The following KCNB2 variants were observed in gnomAD, a reference collection of about 807,000 sequenced individuals.
KCNB2 encodes the protein delayed rectifier potassium channel protein.
A neutral mutation model predicts 61.5 loss-of-function variants in KCNB2; 15 were observed. The ratio of observed to expected loss-of-function variants is 0.24; its 90% CI spans 0.16 to 0.38. The LOEUF is 0.38. KCNB2 is among the 10% of genes least tolerant of loss of function. KCNB2 has a pLI of 1.00. For synonymous variants in KCNB2, 457 were observed against 446.0 expected (o/e 1.02, Z -0.31); for missense variants, 828 against 1,125.2 (o/e 0.74, Z 3.78).
chr8:72,602,617 G>T (rs1276342559), intron 2 of KCNB2, among the ~76,000 whole-genome samples: 3 of 152,056 alleles, frequency 2.0e-5, no homozygotes, highest in Non-Finnish European at 4.4e-5. Context: ...AAATGTAGTG[G>T]CTTCAGCAAT....
intron 2 of KCNB2, among the ~76,000 whole-genome samples, chr8:72,611,870 C>A (rs1805547730): frequency 6.6e-6 from 1 of 151,964 alleles, no homozygotes; most frequent in Admixed American, 6.6e-5. Flanking sequence ...TCCTCACTTT[C>A]TTCGTTTTCA....
intron 2 of KCNB2, among the ~76,000 whole-genome samples, chr8:72,631,757 C>G (rs555113815): frequency 1.6e-4 from 24 of 152,230 alleles, no homozygotes; most frequent in African/African-American, 5.8e-4. Flanking sequence ...ATATTTCATT[C>G]CTTTTGAAAA....
intron 2 of KCNB2, among the ~76,000 whole-genome samples, chr8:72,599,783 A>G (rs1807262129): frequency 6.6e-6 from 1 of 152,218 alleles, no homozygotes; most frequent in Non-Finnish European, 1.5e-5. Flanking sequence ...AAAAGTGGGC[A>G]AAGGATATGA....
chr8:72,561,763 A>ACACG lies in KCNB2; in HGVS notation c.-93-5879_-93-5878insCACG, dbSNP rs1491255124. Among the ~76,000 whole-genome samples the ACACG allele has an allele frequency of 1.8e-3, 11 of 6,180 alleles. 1 individual carries two copies. The highest frequency in any genetic ancestry group is 7.0e-3 in the African/African-American group (11 of 1,564). 4.1% of individuals were successfully genotyped at this position (6,180 alleles called of 152,430 possible). A position where few individuals can be genotyped will look rare whatever the true frequency, so the allele number is the denominator to read the frequency against. On this transcript the variant is annotated intron_variant, in intron 1 of 2. Transcript: ENST00000523207. Reference sequence around the variant, plus strand: ...TATATATATGTATATATATATATGGATATATATATATATGGATATATATAT... The same window carrying ACACG: ...TATATATATGTATATATATATATGGACACGTATATATATATATGGATATATATAT...
At chr8:72,610,765 C>G (rs1805524563) in intron 2 of KCNB2, among the ~76,000 whole-genome samples, 1 of 152,068 alleles carries the variant, frequency 6.6e-6, no homozygotes, top group African/African-American at 2.4e-5. Context: ...AGGCAAATAA[C>G]TATTATAATG....
chr8:72,786,489 G>C (rs1319170733), intron 2 of KCNB2, among the ~76,000 whole-genome samples: 3 of 152,126 alleles, frequency 2.0e-5, no homozygotes, highest in Admixed American at 1.3e-4. Flanking sequence ...TACTTTGTAA[G>C]ACTGCAATAT....
At position 72,733,683 on chromosome 8, in the gene KCNB2, C is replaced by T. The variant is rs189801172; in HGVS notation, c.579+165370C>T. Among the ~76,000 whole-genome samples the T allele has an allele frequency of 2.6e-4, 39 of 152,236 alleles. No homozygotes were observed. In the East Asian group the frequency reaches 7.3e-3, roughly 29 times the overall value. On this transcript the variant is annotated intron_variant, in intron 2 of 2. Transcript: ENST00000523207. ...GTTGACACTCCAAAACCATCCCTTT[C>T]CAGGAAGGTAGTCGTTAGGACAGCA...
At chr8:72,541,612 A>G (rs998879970) in intron 1 of KCNB2, among the ~76,000 whole-genome samples, 2 of 152,160 alleles carry the variant, frequency 1.3e-5, no homozygotes, top group Non-Finnish European at 1.5e-5. Context: ...TGCCCTGCTT[A>G]TTAGTACAGG....
chr8:72,755,002 C>G (rs1032599512), intron 2 of KCNB2, among the ~76,000 whole-genome samples: 1 of 152,158 alleles, frequency 6.6e-6, no homozygotes, highest in African/African-American at 2.4e-5. Context: ...CCAACATCAA[C>G]AGTTGGTAGA....
At chr8:72,899,113 A>G (rs76122266) in intron 2 of KCNB2, among the ~76,000 whole-genome samples, 1,802 of 152,170 alleles carry the variant, frequency 0.012, 41 homozygotes, top group African/African-American at 0.041. Context: ...AACGTGATTC[A>G]CTACTTAAGC....
Position 72,743,485 on chromosome 8 carries a change from A to G in KCNB2, c.579+175172A>G, listed in dbSNP as rs183148309. 1.2e-3 allele frequency among the ~76,000 whole-genome samples: 179 copies of G among 152,342 alleles called. 1 individual carries two copies. Among genetic ancestry groups the G allele is most frequent in the Non-Finnish European group, 1.5e-3 (105 of 68,034 alleles). ...AATGCCAATTTCCCTTTAAAAGCAC[A>G]TTCTTTGTTTCAAAAGACTGTATTG... On this transcript the variant is annotated intron_variant, in intron 2 of 2. Transcript: ENST00000523207.
chr8:72,889,437 C>T (rs1349107028), intron 2 of KCNB2, among the ~76,000 whole-genome samples: 1 of 152,078 alleles, frequency 6.6e-6, no homozygotes, highest in African/African-American at 2.4e-5. Flanking sequence ...CCTGTAATGC[C>T]AGCACTTTGG....
rs1339539332 is a variant in KCNB2, at chr8:72,600,449, G to A, written c.579+32136G>A. Among the ~76,000 whole-genome samples the A allele has an allele frequency of 9.9e-5, 15 of 152,128 alleles. No individual in the cohort carries two copies. In the East Asian group the frequency reaches 2.1e-3, roughly 22 times the overall value. On this transcript the variant is annotated intron_variant, in intron 2 of 2. Coordinates refer to ENST00000523207, the MANE Select transcript of KCNB2 (RefSeq NM_004770.3). Reference sequence around the variant, plus strand: ...CACACACTGGGGCCTGTTGTGGGGTGCGGGGAGAGGGGAGGGATAGCATTA... The same window carrying A: ...CACACACTGGGGCCTGTTGTGGGGTACGGGGAGAGGGGAGGGATAGCATTA...
intron 2 of KCNB2, among the ~76,000 whole-genome samples, chr8:72,738,188 A>G (rs960012183): frequency 2.0e-5 from 3 of 152,150 alleles, no homozygotes; most frequent in Admixed American, 6.6e-5. Context: ...GATGATCCAT[A>G]ATGTCCACCA....
intron 2 of KCNB2, among the ~76,000 whole-genome samples, chr8:72,928,996 T>A (rs1284217906): frequency 6.6e-6 from 1 of 152,134 alleles, no homozygotes; most frequent in Non-Finnish European, 1.5e-5. Flanking sequence ...CAAACACATC[T>A]CCAGCATTTC....
intron 2 of KCNB2, among the ~76,000 whole-genome samples, chr8:72,855,927 T>A (rs1301814330): frequency 6.6e-6 from 1 of 152,190 alleles, no homozygotes; most frequent in Non-Finnish European, 1.5e-5. Context: ...CTTTAAATCA[T>A]CTCTAGATTT....
chr8:72,556,286 A>C (rs986794531), intron 1 of KCNB2, among the ~76,000 whole-genome samples: 2 of 152,180 alleles, frequency 1.3e-5, no homozygotes, highest in Non-Finnish European at 2.9e-5. Flanking sequence ...CTAGTAGGTC[A>C]TCTTGCCCAT....
At chr8:72,896,692 AC>A (rs1478561548) in intron 2 of KCNB2, among the ~76,000 whole-genome samples, 4 of 152,238 alleles carry the variant, frequency 2.6e-5, no homozygotes, top group Admixed American at 6.5e-5. Context: ...TTCAAAAAAA[AC>A]ATTGTATTTA....
chr8:72,603,821 C>T (rs1301255939), intron 2 of KCNB2, among the ~76,000 whole-genome samples: 2 of 152,116 alleles, frequency 1.3e-5, no homozygotes, highest in East Asian at 3.9e-4. Context: ...AATTCAGAGG[C>T]AGACATGCAC....
Sources: gnomAD v4.1 joint callset for allele counts (sites outside exome capture counted in the v4.1 genomes callset) on GRCh38, gnomAD v4.1.1 for gene constraint, MANE v1.5 for transcripts, NCBI Gene and HGNC (gene_info 2026-07-23, HGNC 2026-07-21) for gene names.